The following FER variants were observed in gnomAD, a reference collection of about 807,000 sequenced individuals.
The protein encoded by FER is tyrosine-protein kinase Fer.
FER carries 63 observed loss-of-function variants against 111.0 expected under a neutral mutation model. The observed-to-expected ratio is 0.57, with a 90% CI of 0.46 to 0.70. The LOEUF (loss-of-function observed/expected upper bound fraction) is 0.70, where lower values mean the gene tolerates loss of function less well. Among genes scored for constraint, FER ranks in the 30% least tolerant of loss-of-function variants. The pLI is 0.00. For synonymous variants in FER, 327 were observed against 313.9 expected (o/e 1.04, Z -0.44); for missense variants, 914 against 954.0 (o/e 0.96, Z 0.55).
At chr5:109,156,071 A>G (rs950047421) in intron 17 of FER, among the ~76,000 whole-genome samples, 4 of 152,064 alleles carry the variant, frequency 2.6e-5, no homozygotes, top group African/African-American at 7.2e-5. Context: ...TAAGGGATTT[A>G]GACTTTTTAA....
rs1759585879 is a variant in FER at position 109,194,322 on chromosome 5, T to TA, written c.*6748dup. On this transcript the variant is annotated 3_prime_UTR_variant, in exon 20 of 20. Transcript: ENST00000281092. The stretch of plus-strand genomic sequence containing the variant: ...TAGCTTCAGAAAAGAGGGCAGCAAA[T>TA]ATGAAGCCTTAAGTTCAAAATAAGT... 6.6e-6 allele frequency: 1 copy of TA among 152,070 alleles called. No homozygotes were observed. Among genetic ancestry groups the TA allele is most frequent in the African/African-American group, 2.4e-5 (1 of 41,402 alleles). The allele number at this position is 152,070 out of a possible 1,614,324, so 9.4% of individuals were successfully genotyped here. A position where few individuals can be genotyped will look rare whatever the true frequency, so the allele number is the denominator to read the frequency against.
At chr5:108,810,494 A>G (rs946203874) in intron 3 of FER, among the ~76,000 whole-genome samples, 10 of 152,194 alleles carry the variant, frequency 6.6e-5, no homozygotes, top group South Asian at 2.1e-4. Context: ...GGAGAATCCA[A>G]TGGGTGTCCA....
At chr5:108,823,322 A>G (rs1448153114) in intron 3 of FER, among the ~76,000 whole-genome samples, 1 of 152,248 alleles carries the variant, frequency 6.6e-6, no homozygotes, top group Non-Finnish European at 1.5e-5. Flanking sequence ...GTTAGATCAT[A>G]TAACAGTTCT....
intron 16 of FER, among the ~76,000 whole-genome samples, chr5:109,052,873 G>A (rs1773038018): frequency 6.6e-6 from 1 of 152,100 alleles, no homozygotes; most frequent in Non-Finnish European, 1.5e-5. Context: ...TTTGCAGTGT[G>A]GAATCTCAAA....
chr5:109,181,379 G>GAATT (rs958417268), intron 18 of FER, among the ~76,000 whole-genome samples: 3 of 152,096 alleles, frequency 2.0e-5, no homozygotes, highest in Non-Finnish European at 4.4e-5. Context: ...AAGGAGATGG[G>GAATT]AATTACATTT....
intron 13 of FER, among the ~76,000 whole-genome samples, chr5:109,025,052 G>C (rs1171715278): frequency 6.6e-6 from 1 of 152,020 alleles, no homozygotes; most frequent in African/African-American, 2.4e-5. Flanking sequence ...GTCAGGTAGC[G>C]TGATGCCTCC....
chr5:108,850,609 T>G (rs1237903536), intron 5 of FER, among the ~76,000 whole-genome samples: 1 of 152,190 alleles, frequency 6.6e-6, no homozygotes, highest in Admixed American at 6.5e-5. Flanking sequence ...TGTTTTTCTA[T>G]TAGAAAACAT....
chr5:108,808,137 G>T (rs553061473), intron 3 of FER, among the ~76,000 whole-genome samples: 8 of 152,022 alleles, frequency 5.3e-5, no homozygotes, highest in African/African-American at 1.4e-4. Flanking sequence ...ATTAGATCCA[G>T]TTGGTCAAGT....
chr5:108,759,943 A>G (rs1166320267), intron 1 of FER, among the ~76,000 whole-genome samples: 1 of 152,228 alleles, frequency 6.6e-6, no homozygotes, highest in East Asian at 1.9e-4. Context: ...GCCCACAGAG[A>G]TATCTCATCC....
chr5:109,178,525 C>T (rs530969207), intron 17 of FER, among the ~76,000 whole-genome samples: 5 of 152,262 alleles, frequency 3.3e-5, no homozygotes, highest in South Asian at 2.1e-4. Context: ...AAACTCATTC[C>T]GACCAAGGAT....
At chr5:109,076,410 T>G (rs549193008) in intron 16 of FER, among the ~76,000 whole-genome samples, 1 of 152,266 alleles carries the variant, frequency 6.6e-6, no homozygotes, top group Non-Finnish European at 1.5e-5. Flanking sequence ...TACTTTTTTA[T>G]AGCATTCTGC....
chr5:109,079,789 C>G (rs1350520005), intron 16 of FER, among the ~76,000 whole-genome samples: 1 of 152,100 alleles, frequency 6.6e-6, no homozygotes, highest in South Asian at 2.1e-4. Flanking sequence ...CCTTTCCCTG[C>G]TTAAACTGCC....
intron 3 of FER, among the ~76,000 whole-genome samples, chr5:108,807,308 C>T (rs959344724): frequency 6.6e-6 from 1 of 152,168 alleles, no homozygotes; most frequent in African/African-American, 2.4e-5. Flanking sequence ...ATGTCTTTAT[C>T]AGCAGTGTGA....
At chr5:109,032,350 C>T (rs1472115607) in intron 13 of FER, among the ~76,000 whole-genome samples, 1 of 152,184 alleles carries the variant, frequency 6.6e-6, no homozygotes, top group Non-Finnish European at 1.5e-5. Flanking sequence ...TCACTGAACA[C>T]ACTTACATTT....
intron 1 of FER, among the ~76,000 whole-genome samples, chr5:108,758,960 C>T (rs115683836): frequency 1.2e-4 from 18 of 152,070 alleles, no homozygotes; most frequent in African/African-American, 4.3e-4. Context: ...TTATAACTTT[C>T]GATGCATTTA....
rs116511209 is a variant in FER, at chr5:108,976,311, T to C, written c.1656+16964T>C. 5.0e-3 allele frequency among the ~76,000 whole-genome samples: 756 copies of C among 152,296 alleles called. 3 individuals are homozygous for C. The highest frequency in any genetic ancestry group is 0.017 in the African/African-American group (714 of 41,572). On this transcript the variant is annotated intron_variant, in intron 13 of 19. Coordinates refer to ENST00000281092, the MANE Select transcript of FER (RefSeq NM_005246.4). ...CTCCCTCTTCTCACTAGAATTATCC[T>C]TCTAAAATAACATTTTATCCTATCA...
rs1359979584 is a variant in FER, at chr5:109,192,179, T to A, written c.*4604T>A. The A allele has an allele frequency of 2.6e-5, 4 of 152,158 alleles. No individual in the cohort carries two copies. The highest frequency in any genetic ancestry group is 6.5e-5 in the Admixed American group (1 of 15,270). 9.4% of individuals were successfully genotyped at this position (152,158 alleles called of 1,614,324 possible). A position where few individuals can be genotyped will look rare whatever the true frequency, so the allele number is the denominator to read the frequency against. On this transcript the variant is annotated 3_prime_UTR_variant, in exon 20 of 20. Coordinates refer to ENST00000281092, the MANE Select transcript of FER (RefSeq NM_005246.4). Reference sequence around the variant, plus strand: ...TGCATAGAAGTAATGAGCATAGGCTTCAGTATATTTAATAAGGTGCTGAGG... The same window carrying A: ...TGCATAGAAGTAATGAGCATAGGCTACAGTATATTTAATAAGGTGCTGAGG...
intron 10 of FER, among the ~76,000 whole-genome samples, chr5:108,907,663 T>A (rs1226056907): frequency 6.6e-6 from 1 of 152,134 alleles, no homozygotes; most frequent in East Asian, 1.9e-4. Flanking sequence ...ACAGAGTCTC[T>A]GCACTCTTAG....
intron 17 of FER, among the ~76,000 whole-genome samples, chr5:109,147,723 G>GCATACAAA (rs1306799284): frequency 6.7e-6 from 1 of 150,294 alleles, no homozygotes; most frequent in Non-Finnish European, 1.5e-5. Flanking sequence ...AAGTATCAGT[G>GCATACAAA]CATACAAACA....
Sources: allele counts gnomAD v4.1 joint callset (sites outside exome capture counted in the v4.1 genomes callset), GRCh38; gene constraint gnomAD v4.1.1; transcripts MANE v1.5; gene names NCBI Gene and HGNC (gene_info 2026-07-23, HGNC 2026-07-21).